PSMA1: variants seen among roughly 807,000 people sequenced by gnomAD.
PSMA1 encodes proteasome 20S subunit alpha 1, also known as proteasome subunit alpha type-1.
In PSMA1, 3 loss-of-function variants were observed where a neutral mutation model predicts 38.4. The observed-to-expected ratio is 0.08, with a 90% CI of 0.04 to 0.20. The LOEUF is 0.20. Among genes scored for constraint, PSMA1 ranks in the 10% least tolerant of loss-of-function variants. PSMA1 has a pLI of 1.00. For missense variants in PSMA1, 227 were observed against 325.3 expected (o/e 0.70, Z 2.32); for synonymous variants, 101 against 107.1 (o/e 0.94, Z 0.35).
At chr11:14,510,699 G>T (rs1421755762) in intron 8 of PSMA1, among the ~76,000 whole-genome samples, 173 bp downstream of exon 8, 3 of 152,066 alleles carry the variant, frequency 2.0e-5, no homozygotes, top group Non-Finnish European at 4.4e-5. Flanking sequence ...GTACCAAAAA[G>T]AAATGTTTAA....
chr11:14,569,302 G>A (rs191553982), intron 2 of PSMA1, among the ~76,000 whole-genome samples: 10 of 152,238 alleles, frequency 6.6e-5, no homozygotes, highest in Admixed American at 1.3e-4. Flanking sequence ...CATGAGCGAC[G>A]CAGAAGACGG....
At chr11:14,546,524 G>T (rs1851829827) in intron 2 of PSMA1, among the ~76,000 whole-genome samples, 1 of 151,964 alleles carries the variant, frequency 6.6e-6, no homozygotes, top group African/African-American at 2.4e-5. Context: ...TGCAACCTCT[G>T]CCTCTCGGGT....
chr11:14,603,360 A>G (rs2134194831), intron 2 of PSMA1, among the ~76,000 whole-genome samples: 1 of 152,364 alleles, frequency 6.6e-6, no homozygotes, highest in East Asian at 1.9e-4. Context: ...TTTAATTAAC[A>G]AAAGAGGACT....
At chr11:14,572,273 T>C (rs1250858325) in intron 2 of PSMA1, among the ~76,000 whole-genome samples, 1 of 152,144 alleles carries the variant, frequency 6.6e-6, no homozygotes, top group Admixed American at 6.6e-5. Context: ...AGTAAAGCAC[T>C]CCTCAGCAAA....
chr11:14,559,372 T>C (rs1164270044), intron 2 of PSMA1, among the ~76,000 whole-genome samples: 2 of 152,204 alleles, frequency 1.3e-5, no homozygotes, highest in Admixed American at 6.5e-5. Context: ...AGATGGTGAC[T>C]GCTAGCCAGA....
intron 2 of PSMA1, among the ~76,000 whole-genome samples, chr11:14,598,541 C>T (rs1251000600): frequency 6.6e-6 from 1 of 150,800 alleles, no homozygotes; most frequent in Non-Finnish European, 1.5e-5. Context: ...GGTTTAAAGT[C>T]TGTTTTATCA....
At chr11:14,547,674 T>G (rs186502198) in intron 2 of PSMA1, among the ~76,000 whole-genome samples, 190 of 152,036 alleles carry the variant, frequency 1.2e-3, no homozygotes, top group African/African-American at 4.4e-3. Context: ...CAGAAACCAA[T>G]AGACAAGAGA....
At chr11:14,608,730 A>G (rs1852673943) in intron 2 of PSMA1, among the ~76,000 whole-genome samples, 1 of 147,978 alleles carries the variant, frequency 6.8e-6, no homozygotes, top group Non-Finnish European at 1.5e-5. Flanking sequence ...ATATAATATA[A>G]AAGTATACAT....
Position 14,540,001 on chromosome 11 carries a change from C to T in PSMA1, c.22-20960G>A, listed in dbSNP as rs367784873. Among the ~76,000 whole-genome samples, 170 of 152,330 alleles carry T rather than the reference C, an allele frequency of 1.1e-3. 1 individual carries two copies. Among genetic ancestry groups the T allele is most frequent in the African/African-American group, 4.0e-3 (166 of 41,576 alleles). ...TCACTATAGATTTGCAGCATTTAGC[C>T]TGTAGTGCTGCGTGACTACTCTAAG... On this transcript the variant is annotated intron_variant, in intron 2 of 10. Coordinates refer to the PSMA1 transcript ENST00000418988.
chr11:14,609,609 T>G (rs1359197097), intron 2 of PSMA1, among the ~76,000 whole-genome samples: 1 of 152,182 alleles, frequency 6.6e-6, no homozygotes, highest in African/African-American at 2.4e-5. Context: ...GAGCAAGCCA[T>G]GTGCCTATGT....
upstream of PSMA1, chr11:14,520,488 G>T: frequency 6.9e-7 from 1 of 1,453,172 alleles, no homozygotes; most frequent in Middle Eastern, 2.0e-4. Flanking sequence ...CTTTCCGACC[G>T]CTCGGCGGCG....
chr11:14,621,335 G>C (rs1852841193), intron 1 of PSMA1, among the ~76,000 whole-genome samples: 1 of 151,698 alleles, frequency 6.6e-6, no homozygotes, highest in Admixed American at 6.6e-5. Flanking sequence ...GAGTGCAGTA[G>C]CACCATCATA....
intron 2 of PSMA1, among the ~76,000 whole-genome samples, chr11:14,598,541 C>A (rs1251000600): frequency 6.6e-6 from 1 of 150,800 alleles, no homozygotes; most frequent in Non-Finnish European, 1.5e-5. Flanking sequence ...GGTTTAAAGT[C>A]TGTTTTATCA....
intron 2 of PSMA1, among the ~76,000 whole-genome samples, chr11:14,540,399 G>C (rs79634051): frequency 0.017 from 2,596 of 152,260 alleles, 38 homozygotes; most frequent in Non-Finnish European, 0.027. Flanking sequence ...TACGTCCTCA[G>C]GAGAGATACG....
In PSMA1 at chr11:14,624,574, G is replaced by T. The variant is rs367720266; in HGVS notation, c.-165-13423C>A. Among the ~76,000 whole-genome samples the T allele has an allele frequency of 2.0e-4, 30 of 152,320 alleles. No homozygotes were observed. The East Asian group carries it at 5.2e-3, about 26-fold the overall frequency. Reference sequence around the variant, plus strand: ...GGGAGTGCACTCTTGCCAGGGGACAGTGAGTGTCTCATTGAACTATATGTT... The same window carrying T: ...GGGAGTGCACTCTTGCCAGGGGACATTGAGTGTCTCATTGAACTATATGTT... On this transcript the variant is annotated intron_variant, in intron 1 of 10. Coordinates refer to the PSMA1 transcript ENST00000418988.
intron 2 of PSMA1, among the ~76,000 whole-genome samples, chr11:14,598,866 G>C (rs1467261920): frequency 6.6e-6 from 1 of 151,812 alleles, no homozygotes; most frequent in Non-Finnish European, 1.5e-5. Context: ...GCATGTTTTT[G>C]CAGTGGCTGG....
At chr11:14,566,502 C>T (rs1459798291) in intron 2 of PSMA1, among the ~76,000 whole-genome samples, 2 of 152,172 alleles carry the variant, frequency 1.3e-5, no homozygotes, top group South Asian at 2.1e-4. Flanking sequence ...ACACCTCCAA[C>T]CCCTACAACT....
intron 1 of PSMA1, 146 bp downstream of exon 1, chr11:14,520,151 G>C (rs1053482382): frequency 3.8e-6 from 5 of 1,301,688 alleles, no homozygotes; most frequent in East Asian, 2.3e-5. Flanking sequence ...CGGAGATGCT[G>C]AATCACTGCC....
At chr11:14,555,822 T>A (rs1851936090) in intron 2 of PSMA1, among the ~76,000 whole-genome samples, 1 of 152,254 alleles carries the variant, frequency 6.6e-6, no homozygotes, top group Non-Finnish European at 1.5e-5. Flanking sequence ...TGCTTGATGT[T>A]CACTTCATAT....
Sources: gnomAD v4.1 joint callset for allele counts (sites outside exome capture counted in the v4.1 genomes callset) on GRCh38, gnomAD v4.1.1 for gene constraint, MANE v1.5 for transcripts, NCBI Gene and HGNC (gene_info 2026-07-23, HGNC 2026-07-21) for gene names.